The following DCT variants were observed in gnomAD, a reference collection of about 807,000 sequenced individuals.
The protein encoded by DCT is dopachrome tautomerase, also known as L-dopachrome tautomerase.
In DCT, 47 loss-of-function variants were observed where a neutral mutation model predicts 53.0. The ratio of observed to expected loss-of-function variants is 0.89; its 90% CI spans 0.70 to 1.13. DCT has a LOEUF of 1.13. DCT is among the 50% of genes most tolerant of loss of function. The probability of loss-of-function intolerance (pLI) is 0.00; values close to 1 mark genes in which losing one functional copy is unlikely to be tolerated. For missense variants in DCT, 669 were observed against 637.4 expected (o/e 1.05, Z -0.53); for synonymous variants, 244 against 237.0 (o/e 1.03, Z -0.27).
the DCT span, among the ~76,000 whole-genome samples, chr13:94,526,093 A>G: frequency 1.3e-5 from 2 of 152,230 alleles, no homozygotes; most frequent in Non-Finnish European, 2.9e-5. Flanking sequence ...GGGCATGATT[A>G]TCTACAGCAA....
chr13:94,536,323 C>T, the DCT span, among the ~76,000 whole-genome samples: 1 of 152,188 alleles, frequency 6.6e-6, no homozygotes, highest in Non-Finnish European at 1.5e-5. Context: ...CTCCAAGAAG[C>T]TGCTCTTCAA....
rs1237496766 is a variant in DCT at position 94,479,202 on chromosome 13, C to T, written c.54G>A (p.Leu18=). 1.2e-5 allele frequency: 19 copies of T among 1,607,814 alleles called. No homozygotes were observed. The highest frequency in any genetic ancestry group is 1.6e-5 in the Non-Finnish European group (19 of 1,174,926). The part of the protein sequence containing the change: ...FLLSCLGCKI[L]PGAQGQFPRV... ...GGGGGAACTGACCCTGGGCTCCTGG[C>T]AGGATTTTGCAGCCCAAGCAACTGA... The change falls in exon 1 of 8, where the codon CTG becomes CTA. Residue 18 remains leucine (L), a synonymous_variant. Coordinates refer to ENST00000377028, the MANE Select transcript of DCT (RefSeq NM_001922.5).
chr13:94,460,314 A>G (rs899929803), intron 5 of DCT, 88 bp from the exon 6 acceptor site: 2 of 1,274,634 alleles, frequency 1.6e-6, no homozygotes, highest in Non-Finnish European at 2.2e-6. Context: ...ATAGTTGTCT[A>G]ATTTGAGATT....
At chr13:94,465,152 C>T (rs781252218) in intron 4 of DCT, among the ~76,000 whole-genome samples, 1 of 152,172 alleles carries the variant, frequency 6.6e-6, no homozygotes, top group Admixed American at 6.5e-5. Context: ...CTGTAATTTA[C>T]TTACAAGAAA....
At chr13:94,499,105 T>G in the DCT span, among the ~76,000 whole-genome samples, 1 of 152,182 alleles carries the variant, frequency 6.6e-6, no homozygotes, top group Admixed American at 6.5e-5. Context: ...CTTTCGCTTT[T>G]CACAATAAAT....
At chr13:94,476,474 T>C (rs1017532363) in intron 1 of DCT, among the ~76,000 whole-genome samples, 34 of 146,050 alleles carry the variant, frequency 2.3e-4, no homozygotes, top group Admixed American at 1.3e-3. Flanking sequence ...ACTTTCTTTT[T>C]TTTTTTTTTT....
In DCT at chr13:94,443,649, T is replaced by C. The variant is rs374103766; in HGVS notation, c.1180-12A>G. 291 of 1,604,116 alleles carry C rather than the reference T, an allele frequency of 1.8e-4. 1 individual carries two copies. The highest frequency in any genetic ancestry group is 2.3e-4 in the Non-Finnish European group (270 of 1,172,102). ...AAGGAATGAAGAACCTGCAAAACAGTTGGACACAGCATTTAACATAAATCA... is the reference window on the plus strand; with the variant it reads ...AAGGAATGAAGAACCTGCAAAACAGCTGGACACAGCATTTAACATAAATCA... On this transcript the variant is annotated splice_polypyrimidine_tract_variant and intron_variant, in intron 6 of 7. Transcript: ENST00000377028.
At chr13:94,528,978 G>A in the DCT span, among the ~76,000 whole-genome samples, 11 of 151,862 alleles carry the variant, frequency 7.2e-5, no homozygotes, top group Admixed American at 2.0e-4. Context: ...AAAAAAAGCA[G>A]GGGTTGCAAT....
At chr13:94,504,485 A>G in the DCT span, among the ~76,000 whole-genome samples, 1 of 152,152 alleles carries the variant, frequency 6.6e-6, no homozygotes, top group African/African-American at 2.4e-5. Flanking sequence ...CTCCTGCCTC[A>G]GCCTCCTGAG....
At chr13:94,455,675 G>T (rs1263082564) in intron 6 of DCT, among the ~76,000 whole-genome samples, 1 of 152,200 alleles carries the variant, frequency 6.6e-6, no homozygotes, top group East Asian at 1.9e-4. Flanking sequence ...ACAGAAAAAT[G>T]TTGCCAATTT....
chr13:94,440,367 T>G (rs915112638), intron 7 of DCT, among the ~76,000 whole-genome samples: 3 of 152,188 alleles, frequency 2.0e-5, no homozygotes, highest in Non-Finnish European at 4.4e-5. Context: ...AGAATGTAAC[T>G]ACTTTTCTGA....
At chr13:94,510,006 A>C in the DCT span, among the ~76,000 whole-genome samples, 4 of 148,808 alleles carry the variant, frequency 2.7e-5, no homozygotes, top group African/African-American at 1.0e-4. Flanking sequence ...AATCTGATGA[A>C]TGATATTCAG....
At chr13:94,468,690 C>T in intron 2 of DCT, 56 bp downstream of exon 2, 1 of 1,501,324 alleles carries the variant, frequency 6.7e-7, no homozygotes, top group Non-Finnish European at 9.2e-7. Context: ...ACTGCCATAC[C>T]CTCAACCCAA....
chr13:94,453,569 T>C (rs1883230575), intron 6 of DCT, among the ~76,000 whole-genome samples: 1 of 152,044 alleles, frequency 6.6e-6, no homozygotes, highest in Non-Finnish European at 1.5e-5. Flanking sequence ...AGCAATGCCC[T>C]ATTGATATGG....
chr13:94,535,124 A>G, the DCT span, among the ~76,000 whole-genome samples: 2 of 152,374 alleles, frequency 1.3e-5, no homozygotes, highest in South Asian at 4.1e-4. Flanking sequence ...GGAATGTTCA[A>G]ATATCTGGCC....
chr13:94,530,754 A>T, the DCT span, among the ~76,000 whole-genome samples: 1 of 152,176 alleles, frequency 6.6e-6, no homozygotes, highest in Non-Finnish European at 1.5e-5. Context: ...CTCTCTCACC[A>T]CTATTATTCA....
At chr13:94,525,070 T>C in the DCT span, among the ~76,000 whole-genome samples, 1 of 151,830 alleles carries the variant, frequency 6.6e-6, no homozygotes, top group Non-Finnish European at 1.5e-5. Context: ...GAGATCTTCT[T>C]AGACTTCGAG....
At position 94,479,018 on chromosome 13, in the gene DCT, G is replaced by A. The variant is rs1400745083; in HGVS notation, c.238C>T (p.Gln80Ter). Reference sequence around the variant, plus strand: ...CTTGGCCACAGCTCACGGTCATCCTGGTTTCGTAGGATGTAGGGACCACTC... The same window carrying A: ...CTTGGCCACAGCTCACGGTCATCCTAGTTTCGTAGGATGTAGGGACCACTC... Reference protein sequence around the residue: ...PWSGPYILRNQDDRELWPRKF... With the variant: ...PWSGPYILRN Residue 80 changes from glutamine (Q) to a stop codon, truncating the protein, a stop_gained, in exon 1 of 8, where the codon CAG (glutamine) becomes TAG (stop). Transcript: ENST00000377028. LOFTEE classifies it high-confidence loss of function. 1 of 1,613,866 alleles carries A rather than the reference G, an allele frequency of 6.2e-7. No individual in the cohort carries two copies. Among genetic ancestry groups the A allele is most frequent in the Non-Finnish European group, 8.5e-7 (1 of 1,179,862 alleles).
At chr13:94,539,408 T>A in the DCT span, among the ~76,000 whole-genome samples, 4 of 152,342 alleles carry the variant, frequency 2.6e-5, no homozygotes, top group African/African-American at 9.6e-5. Context: ...CTGAGTGCAT[T>A]TCTCTATGAG....
Sources: gnomAD v4.1 joint callset for allele counts (sites outside exome capture counted in the v4.1 genomes callset) on GRCh38, gnomAD v4.1.1 for gene constraint, MANE v1.5 for transcripts, NCBI Gene and HGNC (gene_info 2026-07-23, HGNC 2026-07-21) for gene names.